TAFA1: variants seen among roughly 807,000 people sequenced by gnomAD.
TAFA1 encodes chemokine-like protein TAFA-1.
In TAFA1, 4 loss-of-function variants were observed where a neutral mutation model predicts 18.5. The observed-to-expected ratio is 0.22, with a 90% CI of 0.11 to 0.49. TAFA1 has a LOEUF of 0.49. Ranked by LOEUF, TAFA1 falls within the 20% of genes least tolerant of loss-of-function variation. TAFA1 has a pLI of 0.98. For missense variants in TAFA1, 147 were observed against 169.0 expected (o/e 0.87, Z 0.72); for synonymous variants, 56 against 55.2 (o/e 1.01, Z -0.06).
At chr3:68,384,883 G>A (rs2070058283) in intron 2 of TAFA1, among the ~76,000 whole-genome samples, 1 of 151,674 alleles carries the variant, frequency 6.6e-6, no homozygotes, top group Non-Finnish European at 1.5e-5. Flanking sequence ...GGATACTTAG[G>A]TCTTGTTGAA....
chr3:68,273,921 T>C (rs2067732000), intron 2 of TAFA1, among the ~76,000 whole-genome samples: 1 of 152,164 alleles, frequency 6.6e-6, no homozygotes, highest in African/African-American at 2.4e-5. Flanking sequence ...CAACATTTTA[T>C]TCTAATTTCT....
chr3:68,144,926 G>C, intron 2 of TAFA1: 1 of 739,066 alleles, frequency 1.4e-6, no homozygotes, highest in Non-Finnish European at 2.5e-6. Context: ...ATATCTTAGA[G>C]AGTTGTTGTG....
rs138908872 is a variant in TAFA1 at position 68,317,422 on chromosome 3, C to T, written c.119-99858C>T. On this transcript the variant is annotated intron_variant, in intron 2 of 4. Transcript: ENST00000478136. ...AATCTAAGGCTAAAGAACCAACTTT[C>T]ATATAGAACATTGCCAGCCACTGCA... Among the ~76,000 whole-genome samples, 743 of 152,288 alleles carry T rather than the reference C, an allele frequency of 4.9e-3. 9 individuals are homozygous for T. The highest frequency in any genetic ancestry group is 0.017 in the Middle Eastern group (5 of 294).
intron 2 of TAFA1, among the ~76,000 whole-genome samples, chr3:68,035,193 T>C (rs1178909835): frequency 6.6e-6 from 1 of 152,224 alleles, no homozygotes; most frequent in Admixed American, 6.5e-5. Flanking sequence ...GACTTTTATT[T>C]CCAGAGATCT....
chr3:68,192,750 G>A (rs1174613013), intron 2 of TAFA1, among the ~76,000 whole-genome samples: 4 of 151,686 alleles, frequency 2.6e-5, no homozygotes, highest in Non-Finnish European at 4.4e-5. Flanking sequence ...ATTTAGTAGG[G>A]AAATAAAAGG....
chr3:68,125,591 G>A (rs968700277), intron 2 of TAFA1, among the ~76,000 whole-genome samples: 1 of 152,132 alleles, frequency 6.6e-6, no homozygotes, highest in Non-Finnish European at 1.5e-5. Context: ...GCTCACGTAT[G>A]AAATCCTAGC....
chr3:68,019,865 A>T (rs1704650255), intron 2 of TAFA1, among the ~76,000 whole-genome samples: 1 of 152,178 alleles, frequency 6.6e-6, no homozygotes, highest in Admixed American at 6.5e-5. Context: ...CATTCTTCCT[A>T]TGATTTTGCT....
At chr3:68,543,147 T>C (rs2073404799) in intron 4 of TAFA1, among the ~76,000 whole-genome samples, 1 of 152,180 alleles carries the variant, frequency 6.6e-6, no homozygotes, top group African/African-American at 2.4e-5. Context: ...CCTGACATCA[T>C]TCTCAGCTTG....
intron 2 of TAFA1, among the ~76,000 whole-genome samples, chr3:68,040,515 G>A (rs1046469144): frequency 2.0e-5 from 3 of 152,090 alleles, no homozygotes; most frequent in African/African-American, 7.2e-5. Context: ...TATTAATACC[G>A]ACTAAAGAGA....
At position 68,505,531 on chromosome 3, in the gene TAFA1, C is replaced by T. The variant is rs572232812; in HGVS notation, c.260-33225C>T. Among the ~76,000 whole-genome samples, 183 of 152,284 alleles carry T rather than the reference C, an allele frequency of 1.2e-3. 2 individuals carry two copies. The highest frequency in any genetic ancestry group is 4.3e-3 in the African/African-American group (177 of 41,578). ...AGGAATGTCCTAGCTGAATCCTCCT[C>T]TCAATGTCTTACCAGGGTGCAATCA... On this transcript the variant is annotated intron_variant, in intron 3 of 4. Transcript: ENST00000478136.
intron 2 of TAFA1, among the ~76,000 whole-genome samples, chr3:68,180,435 A>G (rs1414480015): frequency 1.3e-5 from 2 of 152,152 alleles, no homozygotes; most frequent in Non-Finnish European, 2.9e-5. Context: ...CAAGAGGTAA[A>G]GGATACTGAA....
At chr3:68,527,486 A>T (rs985863126) in intron 3 of TAFA1, among the ~76,000 whole-genome samples, 6 of 152,158 alleles carry the variant, frequency 3.9e-5, no homozygotes, top group Non-Finnish European at 8.8e-5. Flanking sequence ...CATAATATAT[A>T]CTTACTTGTT....
intron 2 of TAFA1, among the ~76,000 whole-genome samples, chr3:68,308,578 C>T (rs908274698): frequency 6.6e-6 from 1 of 152,126 alleles, no homozygotes. Flanking sequence ...TTATTTACTA[C>T]TTTGTTCATG....
At chr3:68,495,971 A>AC (rs35916336) in intron 3 of TAFA1, among the ~76,000 whole-genome samples, 26,222 of 145,438 alleles carry the variant, frequency 0.18, 2,561 homozygotes, top group Non-Finnish European at 0.2. Context: ...TGAAATAACA[A>AC]CGATAGTGAA....
At chr3:68,076,167 G>A (rs2064821090) in intron 2 of TAFA1, among the ~76,000 whole-genome samples, 1 of 152,074 alleles carries the variant, frequency 6.6e-6, no homozygotes, top group South Asian at 2.1e-4. Context: ...TGAACCCAGT[G>A]TTTTTACTTG....
chr3:68,362,574 G>A lies in TAFA1; in HGVS notation c.119-54706G>A, dbSNP rs73101130. Among the ~76,000 whole-genome samples, 513 of 152,218 alleles carry A rather than the reference G, an allele frequency of 3.4e-3. 1 individual carries two copies. The highest frequency in any genetic ancestry group is 5.4e-3 in the Non-Finnish European group (368 of 67,996). ...CGTATAAGCTTCTGAGCTGGTTTGT[G>A]TTTGGTTTGTTTGCCAAAAATAAAT... On this transcript the variant is annotated intron_variant, in intron 2 of 4. Transcript: ENST00000478136.
chr3:68,482,201 G>A (rs1436522783), intron 3 of TAFA1, among the ~76,000 whole-genome samples: 1 of 152,116 alleles, frequency 6.6e-6, no homozygotes, highest in Non-Finnish European at 1.5e-5. Flanking sequence ...TAATAGAGAC[G>A]GGGTTTAACC....
At chr3:68,492,550 G>C (rs1440096677) in intron 3 of TAFA1, among the ~76,000 whole-genome samples, 1 of 152,066 alleles carries the variant, frequency 6.6e-6, no homozygotes, top group Non-Finnish European at 1.5e-5. Flanking sequence ...AGGAGTGCTT[G>C]CCCAACTTCT....
At chr3:68,002,588 T>C (rs775047787), upstream of TAFA1, among the ~76,000 whole-genome samples, 2 of 152,270 alleles carry the variant, frequency 1.3e-5, no homozygotes, top group African/African-American at 2.4e-5. Context: ...ATGCCTGGTG[T>C]AATATGTACC....
Sources: allele counts gnomAD v4.1 joint callset (sites outside exome capture counted in the v4.1 genomes callset), GRCh38; gene constraint gnomAD v4.1.1; transcripts MANE v1.5; gene names NCBI Gene and HGNC (gene_info 2026-07-23, HGNC 2026-07-21).